Variants in LOC128462377 observed in about 807,000 individuals in gnomAD.
the LOC128462377 span, among the ~76,000 whole-genome samples, chr16:89,390,790 T>G: frequency 1.3e-5 from 2 of 152,198 alleles, no homozygotes; most frequent in African/African-American, 4.8e-5. Flanking sequence ...TGTCTAACTC[T>G]GGGGAGGAGG....
the LOC128462377 span, among the ~76,000 whole-genome samples, chr16:89,360,936 G>T: frequency 6.6e-6 from 1 of 152,088 alleles, no homozygotes; most frequent in African/African-American, 2.4e-5. Flanking sequence ...GCCTGTGTCG[G>T]GACTTGGCCA....
the LOC128462377 span, among the ~76,000 whole-genome samples, chr16:89,338,908 A>G: frequency 6.6e-6 from 1 of 152,180 alleles, no homozygotes; most frequent in Non-Finnish European, 1.5e-5. Flanking sequence ...AGTAACAAAA[A>G]AATCACCCAG....
At chr16:89,398,384 CAGATGAAGATTACCTGTGAT>C in the LOC128462377 span, among the ~76,000 whole-genome samples, 38,023 of 121,322 alleles carry the variant, frequency 0.31, 13,979 homozygotes, top group Middle Eastern at 0.58. Context: ...CGCTGTGAAA[CAGATGAAGATTACCTGTGAT>C]CTCAGCACTC....
chr16:89,337,007 CAAAAAAAAAAAAAA>C, the LOC128462377 span, among the ~76,000 whole-genome samples: 1,019 of 47,802 alleles, frequency 0.021, 31 homozygotes, highest in African/African-American at 0.077. Context: ...CTGGCTCTAC[CAAAAAAAAAAAAAA>C]AAAAAAAAAA....
chr16:89,365,650 G>C, the LOC128462377 span, among the ~76,000 whole-genome samples: 2 of 152,166 alleles, frequency 1.3e-5, no homozygotes, highest in African/African-American at 2.4e-5. Context: ...CAAGTAGGGG[G>C]CCTTTTACCG....
At chr16:89,400,066 G>A in the LOC128462377 span, among the ~76,000 whole-genome samples, 10 of 67,532 alleles carry the variant, frequency 1.5e-4, 1 homozygote, top group African/African-American at 2.4e-4. Context: ...CCTGCGCTGG[G>A]GGCCGGTCAT....
the LOC128462377 span, among the ~76,000 whole-genome samples, chr16:89,405,487 G>C: frequency 6.8e-6 from 1 of 148,132 alleles, no homozygotes; most frequent in African/African-American, 2.5e-5. Flanking sequence ...ACCACACCTG[G>C]CTCATTTTTT....
At chr16:89,335,892 C>T in the LOC128462377 span, among the ~76,000 whole-genome samples, 2 of 152,312 alleles carry the variant, frequency 1.3e-5, no homozygotes, top group East Asian at 1.9e-4. Context: ...GATCCCCACA[C>T]GCCAGCAGCT....
At chr16:89,405,625 T>G in the LOC128462377 span, among the ~76,000 whole-genome samples, 48 of 151,870 alleles carry the variant, frequency 3.2e-4, no homozygotes, top group Admixed American at 1.2e-3. Flanking sequence ...TGAGCCGCCA[T>G]GCCCGGCTTT....
chr16:89,393,490 CTTTTTT>C, the LOC128462377 span, among the ~76,000 whole-genome samples: 9 of 117,074 alleles, frequency 7.7e-5, no homozygotes, highest in African/African-American at 3.0e-4. Flanking sequence ...TATCCAGCTG[CTTTTTT>C]TTTTTTTTTT....
At chr16:89,376,369 G>C in the LOC128462377 span, among the ~76,000 whole-genome samples, 1 of 152,208 alleles carries the variant, frequency 6.6e-6, no homozygotes, top group African/African-American at 2.4e-5. Context: ...CCAACCAAGA[G>C]GTAGCAGATG....
the LOC128462377 span, among the ~76,000 whole-genome samples, chr16:89,368,795 A>T: frequency 6.6e-6 from 1 of 151,882 alleles, no homozygotes; most frequent in Non-Finnish European, 1.5e-5. Flanking sequence ...GGTTTCAGCT[A>T]CTCCAGAGGC....
the LOC128462377 span, among the ~76,000 whole-genome samples, chr16:89,393,685 T>C: frequency 0.62 from 94,111 of 151,424 alleles, 30,006 homozygotes; most frequent in African/African-American, 0.77. Context: ...CTCAGAGGAT[T>C]TGTAAGGGTT....
chr16:89,386,649 G>A, the LOC128462377 span, among the ~76,000 whole-genome samples: 1 of 152,172 alleles, frequency 6.6e-6, no homozygotes, highest in South Asian at 2.1e-4. Context: ...ATCTCTTCTC[G>A]TCCAGGAAAC....
At chr16:89,383,182 CG>C in the LOC128462377 span, among the ~76,000 whole-genome samples, 1 of 152,194 alleles carries the variant, frequency 6.6e-6, no homozygotes, top group African/African-American at 2.4e-5. Context: ...GTAAAGGGAG[CG>C]GTGCGAGGTC....
chr16:89,343,994 C>T, the LOC128462377 span, among the ~76,000 whole-genome samples: 1 of 152,210 alleles, frequency 6.6e-6, no homozygotes, highest in Non-Finnish European at 1.5e-5. Context: ...CCCAGGGGCA[C>T]ATCACAGACA....
chr16:89,373,384 A>G, the LOC128462377 span: 1 of 152,252 alleles, frequency 6.6e-6, no homozygotes, highest in Non-Finnish European at 1.5e-5. Context: ...CAATTCCAAA[A>G]CACACGCCTT....
chr16:89,359,053 T>G, the LOC128462377 span, among the ~76,000 whole-genome samples: 2 of 152,136 alleles, frequency 1.3e-5, no homozygotes, highest in Non-Finnish European at 2.9e-5. Context: ...ATCGTCAGTA[T>G]TAAACACTGA....
At chr16:89,342,713 C>A in the LOC128462377 span, among the ~76,000 whole-genome samples, 1 of 152,196 alleles carries the variant, frequency 6.6e-6, no homozygotes, top group Non-Finnish European at 1.5e-5. Context: ...ATGGGCCCTA[C>A]AGAATTACTT....
Sources: gnomAD v4.1 joint callset for allele counts (sites outside exome capture counted in the v4.1 genomes callset) on GRCh38, gnomAD v4.1.1 for gene constraint, MANE v1.5 for transcripts.